Variants in GPR137C observed in about 807,000 individuals in gnomAD.
GPR137C encodes G protein-coupled receptor 137C.
A neutral mutation model predicts 43.4 loss-of-function variants in GPR137C; 27 were observed. The observed-to-expected ratio is 0.62, with a 90% CI of 0.46 to 0.86. The LOEUF is 0.86. Among genes scored for constraint, GPR137C ranks in the 40% least tolerant of loss-of-function variants. GPR137C has a pLI of 0.00. For synonymous variants in GPR137C, 285 were observed against 226.9 expected, an observed-to-expected ratio of 1.26 and a Z score of -2.30; for missense variants, 522 against 534.6, an observed-to-expected ratio of 0.98 and a Z score of 0.23.
At chr14:52,624,122 GA>G (rs1339357965) in intron 3 of GPR137C, among the ~76,000 whole-genome samples, 6 of 149,208 alleles carry the variant, frequency 4.0e-5, no homozygotes, top group Non-Finnish European at 7.4e-5. Context: ...AGTTTTTGAA[GA>G]AAATTCTTAA....
At chr14:52,579,498 C>T (rs1421058819) in intron 1 of GPR137C, among the ~76,000 whole-genome samples, 2 of 152,204 alleles carry the variant, frequency 1.3e-5, no homozygotes, top group African/African-American at 4.8e-5. Context: ...TCACGTTGTT[C>T]TCAACCCTTC....
At chr14:52,613,668 C>A in intron 3 of GPR137C, 1 of 277,432 alleles carries the variant, frequency 3.6e-6, no homozygotes, top group Non-Finnish European at 7.3e-6. Flanking sequence ...CATGTTGTTG[C>A]AGATTACAGG....
chr14:52,591,741 G>A (rs776226013), intron 1 of GPR137C, among the ~76,000 whole-genome samples: 4 of 152,062 alleles, frequency 2.6e-5, no homozygotes, highest in African/African-American at 4.8e-5. Context: ...TGTCAGATGG[G>A]TAGATTACAA....
chr14:52,595,014 T>A (rs2038834453), intron 1 of GPR137C, among the ~76,000 whole-genome samples: 1 of 152,210 alleles, frequency 6.6e-6, no homozygotes. Context: ...GCAGGCCTGG[T>A]GGAGACAAAA....
chr14:52,615,026 C>A (rs1236772067), intron 3 of GPR137C, among the ~76,000 whole-genome samples: 6 of 152,158 alleles, frequency 3.9e-5, no homozygotes, highest in Non-Finnish European at 8.8e-5. Flanking sequence ...ACTCAAGAAA[C>A]TTTTGCCCAG....
Position 52,597,241 on chromosome 14 carries a change from A to G in GPR137C, c.445-1031A>G, listed in dbSNP as rs2038867862. ...CTCCTTCTAGATTTTGTGATAGCATATTTTGCATTTATATCACAATGTATC... is the reference window on the plus strand; with the variant it reads ...CTCCTTCTAGATTTTGTGATAGCATGTTTTGCATTTATATCACAATGTATC... On this transcript the variant is annotated intron_variant, in intron 1 of 6. Transcript: ENST00000321662. Among the ~76,000 whole-genome samples, 4 of 152,100 alleles carry G rather than the reference A, an allele frequency of 2.6e-5. No individual in the cohort carries two copies. The South Asian group carries it at 8.3e-4, about 31-fold the overall frequency.
intron 1 of GPR137C, among the ~76,000 whole-genome samples, chr14:52,591,249 G>C (rs893709335): frequency 6.6e-6 from 1 of 152,092 alleles, no homozygotes; most frequent in African/African-American, 2.4e-5. Context: ...CATTTGGGTT[G>C]CTTCCAAGTC....
Position 52,578,571 on chromosome 14 carries a change from AT to A in GPR137C, c.445-19693del, listed in dbSNP as rs916459647. ...TTCCTGTTTTAGTTTTTAAATCTGT[AT>A]TTTTTTTGCATTGATCTCTTTTATT... On this transcript the variant is annotated intron_variant, in intron 1 of 6. Coordinates refer to ENST00000321662, the MANE Select transcript of GPR137C (RefSeq NM_001099652.2). 4.9e-3 allele frequency among the ~76,000 whole-genome samples: 738 copies of A among 151,730 alleles called. 9 individuals carry two copies. The highest frequency in any genetic ancestry group is 0.014 in the Middle Eastern group (4 of 294).
intron 3 of GPR137C, among the ~76,000 whole-genome samples, chr14:52,619,680 T>G (rs572047743): frequency 5.3e-5 from 8 of 152,234 alleles, no homozygotes; most frequent in Non-Finnish European, 7.4e-5. Context: ...ATTTTCAGAA[T>G]TTTTTAATTT....
Position 52,635,248 on chromosome 14 carries a change from G to A in GPR137C, c.*133G>A. ...AAAATCTGGAAGTGTGGCTGTGTTT[G>A]GTAAATAACACAGCTATTATTTTTG... On this transcript the variant is annotated 3_prime_UTR_variant, in exon 7 of 7. Transcript: ENST00000321662. The A allele has an allele frequency of 7.7e-6, 5 of 648,122 alleles. No homozygotes were observed. The highest frequency in any genetic ancestry group is 2.8e-5 in the South Asian group (1 of 35,394). 40.1% of individuals were successfully genotyped at this position (648,122 alleles called of 1,614,324 possible).
intron 1 of GPR137C, among the ~76,000 whole-genome samples, chr14:52,579,069 C>A (rs1473924026): frequency 6.6e-6 from 1 of 152,076 alleles, no homozygotes; most frequent in African/African-American, 2.4e-5. Context: ...ATGTTTAGAT[C>A]TTTCTTCTTG....
intron 1 of GPR137C, among the ~76,000 whole-genome samples, chr14:52,586,223 C>T (rs1031874406): frequency 6.6e-6 from 1 of 152,192 alleles, no homozygotes; most frequent in African/African-American, 2.4e-5. Flanking sequence ...GGATGTTTGT[C>T]ATGCAAACCC....
At chr14:52,598,115 C>G (rs1418892489) in intron 1 of GPR137C, among the ~76,000 whole-genome samples, 157 bp from the exon 2 acceptor site, 1 of 152,128 alleles carries the variant, frequency 6.6e-6, no homozygotes, top group Non-Finnish European at 1.5e-5. Flanking sequence ...CCTTTGGAAA[C>G]CTGTCTCTTA....
At chr14:52,621,674 AACATTT>A (rs1416183465) in intron 3 of GPR137C, among the ~76,000 whole-genome samples, 1 of 151,856 alleles carries the variant, frequency 6.6e-6, no homozygotes. Context: ...GCAAAGTTCT[AACATTT>A]ATATCAAATG....
chr14:52,568,379 G>A (rs1037464035), intron 1 of GPR137C, among the ~76,000 whole-genome samples: 2 of 152,154 alleles, frequency 1.3e-5, no homozygotes, highest in Non-Finnish European at 2.9e-5. Context: ...CTGGTTGGCT[G>A]TTTGGGTGGA....
At chr14:52,623,899 T>G (rs2039190029) in intron 3 of GPR137C, among the ~76,000 whole-genome samples, 3 of 148,236 alleles carry the variant, frequency 2.0e-5, no homozygotes, top group Admixed American at 1.4e-4. Flanking sequence ...TATAGTTCAT[T>G]ATCATTAAGT....
chr14:52,555,841 C>A (rs113670154), intron 1 of GPR137C, among the ~76,000 whole-genome samples: 275 of 152,170 alleles, frequency 1.8e-3, no homozygotes, highest in African/African-American at 6.4e-3. Context: ...AACAAATTGT[C>A]AATTTTTTGA....
At chr14:52,597,197 T>C (rs1444811228) in intron 1 of GPR137C, among the ~76,000 whole-genome samples, 1 of 152,200 alleles carries the variant, frequency 6.6e-6, no homozygotes, top group South Asian at 2.1e-4. Flanking sequence ...TACCCTTTCT[T>C]GGAGTGAATT....
At chr14:52,559,182 C>T (rs2139433144) in intron 1 of GPR137C, among the ~76,000 whole-genome samples, 1 of 152,248 alleles carries the variant, frequency 6.6e-6, no homozygotes, top group Non-Finnish European at 1.5e-5. Context: ...CGAGACCCTC[C>T]TGGCTAACAT....
Sources: allele counts gnomAD v4.1 joint callset (sites outside exome capture counted in the v4.1 genomes callset), GRCh38; gene constraint gnomAD v4.1.1; transcripts MANE v1.5; gene names NCBI Gene and HGNC (gene_info 2026-07-23, HGNC 2026-07-21).